The following RANBP17 variants were observed in gnomAD, a reference collection of about 807,000 sequenced individuals.
RANBP17 encodes ran-binding protein 17.
Under a neutral mutation model 141.2 loss-of-function variants are expected in RANBP17, and 158 were observed. The ratio of observed to expected loss-of-function variants is 1.12; its 90% confidence interval spans 0.98 to 1.28. The LOEUF (loss-of-function observed/expected upper bound fraction) is 1.28, where lower values mean the gene tolerates loss of function less well. Among genes scored for constraint, RANBP17 ranks in the 50% most tolerant of loss-of-function variants. The pLI is 0.00. For synonymous variants in RANBP17, 430 were observed against 450.0 expected (o/e 0.96, Z 0.56); for missense variants, 1,438 against 1,290.7 (o/e 1.11, Z -1.75).
intron 18 of RANBP17, among the ~76,000 whole-genome samples, chr5:171,199,129 G>A (rs1762148846): frequency 6.6e-6 from 1 of 152,052 alleles, no homozygotes; most frequent in African/African-American, 2.4e-5. Flanking sequence ...CATGGAGAAT[G>A]TATTTAAAAT....
chr5:171,053,878 CATATATATATATAT>C (rs58623197), intron 14 of RANBP17, among the ~76,000 whole-genome samples: 261 of 17,220 alleles, frequency 0.015, 3 homozygotes, highest in African/African-American at 0.028. Flanking sequence ...GTGTTTAGTT[CATATATATATATAT>C]ATATATATAT....
intron 24 of RANBP17, among the ~76,000 whole-genome samples, chr5:171,262,459 AT>A (rs1279139745): frequency 6.6e-6 from 1 of 152,208 alleles, no homozygotes. Context: ...TCAGTTATTG[AT>A]TAATCAATCA....
intron 14 of RANBP17, among the ~76,000 whole-genome samples, chr5:171,063,622 A>G (rs1460192926): frequency 1.3e-5 from 2 of 152,216 alleles, no homozygotes; most frequent in Non-Finnish European, 2.9e-5. Context: ...TCAGGGACCG[A>G]CTTGAGGAGG....
At chr5:171,080,765 G>A (rs573592008) in intron 14 of RANBP17, among the ~76,000 whole-genome samples, 2 of 152,192 alleles carry the variant, frequency 1.3e-5, no homozygotes, top group East Asian at 3.9e-4. Context: ...ACAATGAATC[G>A]CTGCTGCAAA....
At chr5:171,031,525 G>T (rs1162729772) in intron 14 of RANBP17, among the ~76,000 whole-genome samples, 2 of 151,800 alleles carry the variant, frequency 1.3e-5, no homozygotes, top group African/African-American at 2.4e-5. Context: ...CTGAAATTGG[G>T]GTTTCTTTTC....
intron 14 of RANBP17, among the ~76,000 whole-genome samples, chr5:171,035,737 G>GTTTTTTTTTTTTTTTTT (rs781327156): frequency 1.0e-5 from 1 of 95,458 alleles, no homozygotes; most frequent in Non-Finnish European, 2.5e-5. Context: ...TTCTTTTTTT[G>GTTTTTTTTTTTTTTTTT]TTTTTTTTTT....
At chr5:170,908,605 C>A (rs1771268770) in intron 5 of RANBP17, among the ~76,000 whole-genome samples, 1 of 150,392 alleles carries the variant, frequency 6.6e-6, no homozygotes, top group Non-Finnish European at 1.5e-5. Context: ...AAGCAATATA[C>A]CCCAGGCAAC....
chr5:171,250,739 G>T (rs1314477892), intron 24 of RANBP17, among the ~76,000 whole-genome samples: 1 of 152,030 alleles, frequency 6.6e-6, no homozygotes, highest in Non-Finnish European at 1.5e-5. Context: ...GGGGAAAAAA[G>T]ACAAAGAAGG....
At chr5:171,146,329 T>A (rs1270177737) in intron 14 of RANBP17, among the ~76,000 whole-genome samples, 1 of 152,244 alleles carries the variant, frequency 6.6e-6, no homozygotes, top group African/African-American at 2.4e-5. Context: ...GGAATGCTGT[T>A]TATTGTGTGA....
chr5:171,105,681 G>A (rs1561660275), intron 14 of RANBP17, among the ~76,000 whole-genome samples: 1 of 151,714 alleles, frequency 6.6e-6, no homozygotes, highest in Non-Finnish European at 1.5e-5. Context: ...TCACACCACT[G>A]TACTCCAGCC....
chr5:170,950,453 A>G (rs749325645), intron 12 of RANBP17, among the ~76,000 whole-genome samples: 2 of 152,132 alleles, frequency 1.3e-5, no homozygotes, highest in Non-Finnish European at 2.9e-5. Flanking sequence ...CAAAAGGAGA[A>G]CATACAAATG....
rs188726276 is a variant in RANBP17 at position 171,139,185 on chromosome 5, G to A, written c.1711-30945G>A. Among the ~76,000 whole-genome samples, 387 of 152,092 alleles carry A rather than the reference G, an allele frequency of 2.5e-3. 4 individuals are homozygous for A. Among genetic ancestry groups the A allele is most frequent in the African/African-American group, 8.0e-3 (331 of 41,484 alleles). On this transcript the variant is annotated intron_variant, in intron 14 of 27. Transcript: ENST00000523189. ...TTCAAATGCAAAGTTTAAAAAAATAGGCAGCAACTGTAGCCCCACCCGCTT... is the reference window on the plus strand; with the variant it reads ...TTCAAATGCAAAGTTTAAAAAAATAAGCAGCAACTGTAGCCCCACCCGCTT...
intron 14 of RANBP17, among the ~76,000 whole-genome samples, chr5:171,143,720 A>G (rs1757854267): frequency 6.6e-6 from 1 of 152,266 alleles, no homozygotes; most frequent in Admixed American, 6.5e-5. Context: ...GGATGAACAA[A>G]TAATTGACAG....
chr5:171,194,349 A>G (rs1454702566), intron 18 of RANBP17, among the ~76,000 whole-genome samples: 1 of 152,168 alleles, frequency 6.6e-6, no homozygotes, highest in African/African-American at 2.4e-5. Context: ...ACCCTGTACC[A>G]TTAAGTAATT....
intron 14 of RANBP17, among the ~76,000 whole-genome samples, chr5:170,981,542 G>A (rs1046692113): frequency 6.6e-6 from 1 of 151,494 alleles, no homozygotes; most frequent in African/African-American, 2.4e-5. Flanking sequence ...AAAAGGGGGA[G>A]TTTTCCTGCA....
intron 14 of RANBP17, among the ~76,000 whole-genome samples, chr5:171,012,453 T>G (rs1780123978): frequency 6.6e-6 from 1 of 152,146 alleles, no homozygotes; most frequent in South Asian, 2.1e-4. Context: ...ACGAAAAATC[T>G]GCTGCCTGGA....
At chr5:171,133,706 G>A (rs1459619780) in intron 14 of RANBP17, among the ~76,000 whole-genome samples, 1 of 152,208 alleles carries the variant, frequency 6.6e-6, no homozygotes, top group Non-Finnish European at 1.5e-5. Flanking sequence ...AAAATTGACA[G>A]AAACTTAGTT....
At chr5:171,086,893 G>A (rs1438325364) in intron 14 of RANBP17, among the ~76,000 whole-genome samples, 1 of 142,322 alleles carries the variant, frequency 7.0e-6, no homozygotes, top group East Asian at 2.0e-4. Context: ...TATCAATTTT[G>A]TTGATCCTTT....
chr5:170,915,214 A>T (rs1771853752), intron 8 of RANBP17, among the ~76,000 whole-genome samples: 1 of 152,340 alleles, frequency 6.6e-6, no homozygotes, highest in East Asian at 1.9e-4. Flanking sequence ...TAAAAAATAA[A>T]GTAGAAAACA....
Sources: gnomAD v4.1 joint callset for allele counts (sites outside exome capture counted in the v4.1 genomes callset) on GRCh38, gnomAD v4.1.1 for gene constraint, MANE v1.5 for transcripts, NCBI Gene and HGNC (gene_info 2026-07-23, HGNC 2026-07-21) for gene names.